TNNI3K: variants seen among roughly 807,000 people sequenced by gnomAD.
TNNI3K encodes serine/threonine-protein kinase TNNI3K.
In TNNI3K, 140 loss-of-function variants were observed where a neutral mutation model predicts 114.5. The observed-to-expected ratio is 1.22, with a 90% CI of 1.07 to 1.41. The LOEUF (loss-of-function observed/expected upper bound fraction) is 1.41. Ranked by LOEUF, TNNI3K falls within the 40% of genes most tolerant of loss-of-function variation. The pLI is 0.00. For synonymous variants in TNNI3K, 347 were observed against 347.5 expected, an observed-to-expected ratio of 1.00 and a Z score of 0.02; for missense variants, 1,125 against 1,007.6, an observed-to-expected ratio of 1.12 and a Z score of -1.58.
rs1375334780 is a variant in TNNI3K, at chr1:74,485,141, C to T, written c.2122-4048C>T. On this transcript the variant is annotated intron_variant, in intron 21 of 24. Coordinates refer to ENST00000326637, the MANE Select transcript of TNNI3K (RefSeq NM_015978.3). ...TAGACATGTAAATACCTATCTATAACACAAGGAGAAACGAAGTAAATCTAA... is the reference window on the plus strand; with the variant it reads ...TAGACATGTAAATACCTATCTATAATACAAGGAGAAACGAAGTAAATCTAA... Among the ~76,000 whole-genome samples the T allele has an allele frequency of 2.0e-5, 3 of 152,150 alleles. No homozygotes were observed. In the East Asian group the frequency reaches 5.8e-4, roughly 29 times the overall value.
chr1:74,495,155 G>C (rs930465914), intron 23 of TNNI3K, among the ~76,000 whole-genome samples: 1 of 152,008 alleles, frequency 6.6e-6, no homozygotes, highest in Non-Finnish European at 1.5e-5. Flanking sequence ...CTCTGATAAG[G>C]GTGTATCTGT....
intron 2 of TNNI3K, among the ~76,000 whole-genome samples, chr1:74,245,694 A>G (rs1264316923): frequency 1.3e-5 from 2 of 152,228 alleles, no homozygotes; most frequent in Non-Finnish European, 2.9e-5. Context: ...TAGAAAAAGA[A>G]AAAGTGCTAT....
chr1:74,470,681 T>C, intron 21 of TNNI3K: 2 of 400,724 alleles, frequency 5.0e-6, no homozygotes, highest in Non-Finnish European at 8.8e-6. Context: ...TTTTCCACAA[T>C]TTGATGTGAT....
chr1:74,480,312 G>A, intron 21 of TNNI3K: 1 of 717,738 alleles, frequency 1.4e-6, no homozygotes. Flanking sequence ...GTAGATGGCT[G>A]GCAATTTAGG....
intron 5 of TNNI3K, among the ~76,000 whole-genome samples, chr1:74,287,327 C>T (rs1281934962): frequency 6.6e-6 from 1 of 152,002 alleles, no homozygotes; most frequent in Non-Finnish European, 1.5e-5. Context: ...GAAAACTTTT[C>T]AAGTTTGGAA....
At chr1:74,363,633 C>G (rs1662096068) in intron 11 of TNNI3K, among the ~76,000 whole-genome samples, 1 of 151,976 alleles carries the variant, frequency 6.6e-6, no homozygotes, top group Admixed American at 6.6e-5. Context: ...GAGGCCCTCT[C>G]ATCTGTCAGC....
intron 17 of TNNI3K, among the ~76,000 whole-genome samples, chr1:74,387,694 C>G (rs997179928): frequency 6.6e-6 from 1 of 152,214 alleles, no homozygotes; most frequent in Admixed American, 6.5e-5. Context: ...AGACTGTGCA[C>G]TTTGAAGTCG....
At chr1:74,506,867 A>C (rs754121241) in intron 23 of TNNI3K, among the ~76,000 whole-genome samples, 19 of 152,134 alleles carry the variant, frequency 1.2e-4, no homozygotes, top group Non-Finnish European at 2.2e-4. Flanking sequence ...ACTTGATGGA[A>C]AGATTCACTG....
chr1:74,297,205 A>G (rs919589483), intron 5 of TNNI3K, among the ~76,000 whole-genome samples: 8 of 152,212 alleles, frequency 5.3e-5, no homozygotes, highest in African/African-American at 1.9e-4. Context: ...AGTTTCTGTG[A>G]TGGTGGAAAT....
At chr1:74,506,617 A>T (rs1197304326) in intron 23 of TNNI3K, among the ~76,000 whole-genome samples, 2 of 152,220 alleles carry the variant, frequency 1.3e-5, no homozygotes, top group African/African-American at 4.8e-5. Flanking sequence ...CAGCTCTGGC[A>T]TCACCTAGGA....
chr1:74,382,809 TTGA>T (rs967548686), intron 17 of TNNI3K, among the ~76,000 whole-genome samples: 1 of 152,166 alleles, frequency 6.6e-6, no homozygotes, highest in Non-Finnish European at 1.5e-5. Context: ...TGTTAGAGCG[TTGA>T]TGATGTCTGC....
intron 5 of TNNI3K, among the ~76,000 whole-genome samples, chr1:74,284,187 G>C (rs1016595784): frequency 1.3e-5 from 2 of 152,126 alleles, no homozygotes; most frequent in Non-Finnish European, 2.9e-5. Flanking sequence ...ACTTTTCTCA[G>C]GGATGATTCA....
chr1:74,327,562 G>A (rs1278634383), intron 5 of TNNI3K, among the ~76,000 whole-genome samples: 1 of 144,846 alleles, frequency 6.9e-6, no homozygotes, highest in East Asian at 2.0e-4. Context: ...TATCTCAGTA[G>A]TAGTTTTTTA....
At chr1:74,443,732 C>G (rs186045589) in intron 20 of TNNI3K, among the ~76,000 whole-genome samples, 2 of 152,238 alleles carry the variant, frequency 1.3e-5, no homozygotes, top group East Asian at 3.9e-4. Flanking sequence ...ACCAATATCC[C>G]TCATGAATAT....
intron 20 of TNNI3K, among the ~76,000 whole-genome samples, chr1:74,462,395 C>CT (rs964365424): frequency 1.3e-5 from 2 of 152,182 alleles, no homozygotes; most frequent in African/African-American, 4.8e-5. Flanking sequence ...TGTCCTGGAA[C>CT]TTTATCCTCT....
chr1:74,480,850 G>A (rs1345524880), intron 21 of TNNI3K: 1 of 717,472 alleles, frequency 1.4e-6, no homozygotes, highest in Non-Finnish European at 2.6e-6. Context: ...GAACATCCTC[G>A]ATACCATTTC....
chr1:74,445,888 G>A (rs1557570890), intron 20 of TNNI3K, among the ~76,000 whole-genome samples: 1 of 152,146 alleles, frequency 6.6e-6, no homozygotes, highest in African/African-American at 2.4e-5. Context: ...GGGACTACAG[G>A]CGTGAGCCAC....
chr1:74,304,041 G>A (rs1329643938), intron 5 of TNNI3K, among the ~76,000 whole-genome samples: 2 of 152,182 alleles, frequency 1.3e-5, no homozygotes, highest in Non-Finnish European at 2.9e-5. Context: ...GATGAACAAA[G>A]AAAGTGGTTT....
intron 20 of TNNI3K, among the ~76,000 whole-genome samples, chr1:74,458,580 A>G (rs1667322364): frequency 6.6e-6 from 1 of 152,200 alleles, no homozygotes; most frequent in Admixed American, 6.5e-5. Flanking sequence ...TTCACTCTAC[A>G]GTGTTTCTTG....
Sources: gnomAD v4.1 joint callset for allele counts (sites outside exome capture counted in the v4.1 genomes callset) on GRCh38, gnomAD v4.1.1 for gene constraint, MANE v1.5 for transcripts, NCBI Gene and HGNC (gene_info 2026-07-23, HGNC 2026-07-21) for gene names.